PXDNL: variants seen among roughly 807,000 people sequenced by gnomAD.
PXDNL encodes probable oxidoreductase PXDNL.
In PXDNL, 145 loss-of-function variants were observed where a neutral mutation model predicts 150.8. The observed-to-expected ratio is 0.96, with a 90% CI of 0.84 to 1.10. The LOEUF is 1.10. Among genes scored for constraint, PXDNL ranks in the 50% least tolerant of loss-of-function variants. The probability of loss-of-function intolerance (pLI) is 0.00; values close to 1 mark genes in which losing one functional copy is unlikely to be tolerated. For synonymous variants in PXDNL, 757 were observed against 725.7 expected (o/e 1.04, Z -0.69); for missense variants, 2,087 against 1,873.9 (o/e 1.11, Z -2.10).
rs187807341 is a variant in PXDNL at position 51,577,325 on chromosome 8, C to T, written c.308+15302G>A. Among the ~76,000 whole-genome samples the T allele has an allele frequency of 1.4e-3, 212 of 151,350 alleles. 1 individual carries two copies. Among genetic ancestry groups the T allele is most frequent in the Admixed American group, 2.4e-3 (36 of 15,186 alleles). ...TATAGGGAAGTGTATTTCAGGAATA[C>T]AAAAGTAGTTCAATATTCAAAAATT... On this transcript the variant is annotated intron_variant, in intron 3 of 22. Coordinates refer to ENST00000356297, the MANE Select transcript of PXDNL (RefSeq NM_144651.5).
intron 5 of PXDNL, among the ~76,000 whole-genome samples, chr8:51,493,373 C>A (rs192772470): frequency 2.6e-5 from 4 of 152,288 alleles, no homozygotes; most frequent in African/African-American, 9.6e-5. Flanking sequence ...AAAATCAGAG[C>A]GCCTCTCCTC....
chr8:51,374,102 A>C (rs1807220054), intron 18 of PXDNL, among the ~76,000 whole-genome samples: 1 of 152,238 alleles, frequency 6.6e-6, no homozygotes, highest in Non-Finnish European at 1.5e-5. Context: ...TAATTTTACA[A>C]GGAGATCTGG....
intron 2 of PXDNL, among the ~76,000 whole-genome samples, chr8:51,627,406 A>C (rs1488109008): frequency 6.6e-6 from 1 of 152,210 alleles, no homozygotes; most frequent in African/African-American, 2.4e-5. Flanking sequence ...AACCTTCATT[A>C]GGCAATTATG....
In PXDNL at chr8:51,697,203, C is replaced by A. The variant is rs546888168; in HGVS notation, c.165-42443G>T. Among the ~76,000 whole-genome samples the A allele has an allele frequency of 7.5e-5, 11 of 147,136 alleles. No individual in the cohort carries two copies. The South Asian group carries it at 9.1e-4, about 12-fold the overall frequency. On this transcript the variant is annotated intron_variant, in intron 1 of 22. Coordinates refer to ENST00000356297, the MANE Select transcript of PXDNL (RefSeq NM_144651.5). ...CCTGTAATTCCAGCTACTTAGGAGG[C>A]TGAGGTAGGAGAATCACTTGAACCT...
intron 1 of PXDNL, among the ~76,000 whole-genome samples, chr8:51,730,065 C>T (rs6473644): frequency 0.92 from 139,338 of 152,206 alleles, 64,142 homozygotes; most frequent in South Asian, 0.96. Context: ...TGCCATTACA[C>T]GTCAGTCAAA....
At chr8:51,499,363 T>C (rs1007366323) in intron 5 of PXDNL, among the ~76,000 whole-genome samples, 2 of 152,182 alleles carry the variant, frequency 1.3e-5, no homozygotes, top group African/African-American at 4.8e-5. Context: ...ACTCCTGAAC[T>C]CAGGTGATCC....
At chr8:51,538,644 GTA>G (rs2130470904) in intron 4 of PXDNL, among the ~76,000 whole-genome samples, 1 of 152,200 alleles carries the variant, frequency 6.6e-6, no homozygotes, top group Non-Finnish European at 1.5e-5. Flanking sequence ...GTGGGCGTCT[GTA>G]ATCCCAGCTA....
intron 1 of PXDNL, among the ~76,000 whole-genome samples, chr8:51,755,629 G>A (rs754345315): frequency 2.3e-4 from 35 of 152,154 alleles, no homozygotes; most frequent in African/African-American, 1.9e-4. Context: ...GATGTGCTGT[G>A]ATGGTAGATG....
chr8:51,482,134 G>T (rs897415804), intron 6 of PXDNL, among the ~76,000 whole-genome samples: 1 of 152,208 alleles, frequency 6.6e-6, no homozygotes, highest in African/African-American at 2.4e-5. Flanking sequence ...GCTGTGCCCT[G>T]CAAAGCCACA....
chr8:51,704,054 C>T (rs1446264507), intron 1 of PXDNL, among the ~76,000 whole-genome samples: 1 of 152,164 alleles, frequency 6.6e-6, no homozygotes, highest in African/African-American at 2.4e-5. Context: ...TAGAGAACTA[C>T]CAAGAACATT....
chr8:51,735,308 C>CTGTA (rs1383879666), intron 1 of PXDNL, among the ~76,000 whole-genome samples: 1 of 151,456 alleles, frequency 6.6e-6, no homozygotes, highest in African/African-American at 2.4e-5. Flanking sequence ...TGGTGAGACC[C>CTGTA]TGTATCTACT....
At chr8:51,649,871 G>A (rs980203481) in intron 2 of PXDNL, among the ~76,000 whole-genome samples, 1 of 152,058 alleles carries the variant, frequency 6.6e-6, no homozygotes, top group African/African-American at 2.4e-5. Flanking sequence ...GGAGGCCGAG[G>A]TGGGTGGATC....
At chr8:51,368,511 T>G (rs1230753768) in intron 19 of PXDNL, among the ~76,000 whole-genome samples, 3 of 151,750 alleles carry the variant, frequency 2.0e-5, no homozygotes, top group Non-Finnish European at 4.4e-5. Context: ...CTATTATTCG[T>G]GGGAAACAAA....
chr8:51,350,017 A>C (rs573412442), intron 19 of PXDNL, among the ~76,000 whole-genome samples: 1 of 152,308 alleles, frequency 6.6e-6, no homozygotes, highest in South Asian at 2.1e-4. Context: ...TGCATATGAA[A>C]CATCTCTGTT....
chr8:51,319,734 A>G lies in PXDNL; in HGVS notation c.*157T>C, dbSNP rs1412901394. The G allele has an allele frequency of 3.1e-5, 16 of 511,002 alleles. No individual in the cohort carries two copies. The highest frequency in any genetic ancestry group is 4.3e-5 in the Non-Finnish European group (14 of 325,050). 31.7% of individuals were successfully genotyped at this position (511,002 alleles called of 1,614,324 possible). A position where few individuals can be genotyped will look rare whatever the true frequency, so the allele number is the denominator to read the frequency against. ...TCAAGGTATGTTAGAAAATGAAAAAATAAAAGATCGTAAGTATATGTAAGA... is the reference window on the plus strand; with the variant it reads ...TCAAGGTATGTTAGAAAATGAAAAAGTAAAAGATCGTAAGTATATGTAAGA... On this transcript the variant is annotated 3_prime_UTR_variant, in exon 23 of 23. Transcript: ENST00000356297.
chr8:51,638,830 TC>T (rs1814669888), intron 2 of PXDNL, among the ~76,000 whole-genome samples: 1 of 152,138 alleles, frequency 6.6e-6, no homozygotes. Flanking sequence ...GGAATTGAAC[TC>T]AGCTCTGAAC....
intron 2 of PXDNL, among the ~76,000 whole-genome samples, chr8:51,648,951 T>C (rs1345438798): frequency 1.3e-5 from 2 of 152,228 alleles, no homozygotes; most frequent in Non-Finnish European, 2.9e-5. Flanking sequence ...TGGGTAGAAA[T>C]TCCAAATTTG....
chr8:51,616,464 AC>A (rs1252760816), intron 2 of PXDNL, among the ~76,000 whole-genome samples: 1 of 152,098 alleles, frequency 6.6e-6, no homozygotes, highest in Admixed American at 6.6e-5. Context: ...ACACAGAAAC[AC>A]ACACACACAC....
intron 1 of PXDNL, among the ~76,000 whole-genome samples, chr8:51,719,630 T>C (rs1282878473): frequency 6.8e-6 from 1 of 146,956 alleles, no homozygotes; most frequent in African/African-American, 2.5e-5. Context: ...CACCCAAGAA[T>C]GATCAATTTA....
Sources: gnomAD v4.1 joint callset for allele counts (sites outside exome capture counted in the v4.1 genomes callset) on GRCh38, gnomAD v4.1.1 for gene constraint, MANE v1.5 for transcripts, NCBI Gene and HGNC (gene_info 2026-07-23, HGNC 2026-07-21) for gene names.